Variants in RRP1B observed in about 807,000 individuals in gnomAD.
RRP1B encodes the protein ribosomal RNA processing protein 1 homolog B.
In RRP1B, 56 loss-of-function variants were observed where a neutral mutation model predicts 80.2. The ratio of observed to expected loss-of-function variants is 0.70; its 90% CI spans 0.56 to 0.87. The LOEUF is 0.87. Among genes scored for constraint, RRP1B ranks in the 40% least tolerant of loss-of-function variants. The probability of loss-of-function intolerance (pLI) is 0.00; values close to 1 mark genes in which losing one functional copy is unlikely to be tolerated. For synonymous variants in RRP1B, 351 were observed against 357.6 expected (o/e 0.98, Z 0.21); for missense variants, 807 against 939.8 (o/e 0.86, Z 1.85).
intron 9 of RRP1B, among the ~76,000 whole-genome samples, 161 bp from the exon 10 acceptor site, chr21:43,684,392 T>C (rs772433174): frequency 5.3e-5 from 8 of 152,102 alleles, no homozygotes; most frequent in Non-Finnish European, 8.8e-5. Context: ...TTTTCAAAGG[T>C]AGTGCTTGTG....
Position 43,673,866 on chromosome 21 carries a change from GCAGAACA to G in RRP1B, c.272-2_276del. 6.2e-7 allele frequency: 1 copy of G among 1,611,278 alleles called. No individual in the cohort carries two copies. The highest frequency in any genetic ancestry group is 8.5e-7 in the Non-Finnish European group (1 of 1,177,818). On this transcript the variant is annotated splice_acceptor_variant and splice_polypyrimidine_tract_variant and coding_sequence_variant and intron_variant, in exon 4 of 16. Coordinates refer to ENST00000340648, the MANE Select transcript of RRP1B (RefSeq NM_015056.3). LOFTEE classifies it high-confidence loss of function. ...AAGTATTTAGAGCCTTTTGTTCACT[GCAGAACA>G]CCTGTTCATTCAGACCTTTTGGCAA... is the stretch of plus-strand genomic sequence containing the variant.
rs2082942100 is a variant in RRP1B, at chr21:43,659,880, CG to C, written c.130+88del. The stretch of plus-strand genomic sequence containing the variant: ...AGGGCCAGGGCCCCGGCACGGAATG[CG>C]GCTTCCACGTGTTGTCGTGACACCC... On this transcript the variant is annotated intron_variant, in intron 1 of 15. Coordinates refer to ENST00000340648, the MANE Select transcript of RRP1B (RefSeq NM_015056.3). The surrounding 1 kb of genome is among the most constrained non-coding windows in gnomAD (Gnocchi z 4.2). 3 of 1,312,126 alleles carry C rather than the reference CG, an allele frequency of 2.3e-6. No individual in the cohort carries two copies. The highest frequency in any genetic ancestry group is 1.6e-5 in the African/African-American group (1 of 64,112). 81.3% of individuals were successfully genotyped at this position (1,312,126 alleles called of 1,614,324 possible).
chr21:43,674,934 T>G, intron 5 of RRP1B, 100 bp from the exon 6 acceptor site: 2 of 1,445,620 alleles, frequency 1.4e-6, no homozygotes, highest in Non-Finnish European at 1.9e-6. Flanking sequence ...CATTGATTGT[T>G]AGGCTGTGTA....
chr21:43,673,922 A>G lies in RRP1B; in HGVS notation c.324A>G (p.Gly108=), dbSNP rs935721027. ...FWQTMNREWK[G]IDRLRLDKYY... The stretch of plus-strand genomic sequence containing the variant: ...AAACCATGAATCGAGAATGGAAAGG[A>G]ATAGACAGGCTACGCCTGGACAAAT... Residue 108 remains glycine (G), a synonymous_variant, in exon 4 of 16, where the codon GGA becomes GGG. Transcript: ENST00000340648. 1 of 1,613,598 alleles carries G rather than the reference A, an allele frequency of 6.2e-7. No homozygotes were observed. The highest frequency in any genetic ancestry group is 8.5e-7 in the Non-Finnish European group (1 of 1,179,766).
At chr21:43,673,723 A>G in intron 3 of RRP1B, 147 bp from the exon 4 acceptor site, 1 of 557,486 alleles carries the variant, frequency 1.8e-6, no homozygotes, top group Admixed American at 2.8e-5. Context: ...AGTATATTTA[A>G]TTATCAACAG....
Position 43,688,170 on chromosome 21 carries a change from T to C in RRP1B, c.1796T>C (p.Met599Thr), listed in dbSNP as rs1477841300. 1 of 1,574,824 alleles carries C rather than the reference T, an allele frequency of 6.3e-7. No homozygotes were observed. The highest frequency in any genetic ancestry group is 1.9e-5 in the Admixed American group (1 of 53,456). Residue 599 changes from methionine to threonine, a missense_variant, in exon 13 of 16, where the codon ATG (methionine) becomes ACG (threonine). By Grantham distance (81) the Met-to-Thr change is moderately conservative. Coordinates refer to ENST00000340648, the MANE Select transcript of RRP1B (RefSeq NM_015056.3). ...KTASLKKRKK[M>T]RVMSNLVEHN... ...GCAAGTTTGAAAAAGAGGAAGAAAATGAGAGTGATGTCAAACTTGGTGGAG... is the reference window on the plus strand; with the variant it reads ...GCAAGTTTGAAAAAGAGGAAGAAAACGAGAGTGATGTCAAACTTGGTGGAG...
intron 12 of RRP1B, 117 bp from the exon 13 acceptor site, chr21:43,687,399 T>G: frequency 8.1e-7 from 1 of 1,241,620 alleles, no homozygotes; most frequent in Non-Finnish European, 1.1e-6. Flanking sequence ...GACAGGAACT[T>G]TCCTCGTGGT....
intron 8 of RRP1B, among the ~76,000 whole-genome samples, chr21:43,677,320 A>G (rs1363961615): frequency 3.9e-5 from 6 of 152,164 alleles, no homozygotes; most frequent in African/African-American, 1.4e-4. Flanking sequence ...TTCTCAACTC[A>G]TGGCTTCCTT....
chr21:43,664,012 G>A (rs1207767821), intron 1 of RRP1B, among the ~76,000 whole-genome samples: 1 of 152,220 alleles, frequency 6.6e-6, no homozygotes, highest in Non-Finnish European at 1.5e-5. Context: ...GCCTTTCAGA[G>A]CTTTGAAAGT....
chr21:43,664,327 CAA>C (rs11351123), intron 1 of RRP1B, among the ~76,000 whole-genome samples: 595 of 103,332 alleles, frequency 5.8e-3, no homozygotes, highest in African/African-American at 0.018. Flanking sequence ...AACTCCGTCT[CAA>C]AAAAAAAAAA....
At chr21:43,660,432 G>T (rs958856576) in intron 1 of RRP1B, among the ~76,000 whole-genome samples, 2 of 152,100 alleles carry the variant, frequency 1.3e-5, no homozygotes, top group African/African-American at 4.8e-5. Context: ...GCATGGTGGC[G>T]CATGCCTGTA....
At position 43,659,727 on chromosome 21, in the gene RRP1B, G is replaced by C. The variant is rs748621824; in HGVS notation, c.63G>C (p.Lys21Asn). ...CCCAGCGGCTGGCGTCCAGCGAGAA[G>C]GGCATCCGGGACCGAGCGGTGAAGA... is the stretch of plus-strand genomic sequence containing the variant. ...QFAQRLASSE[K>N]GIRDRAVKKL... The change falls in exon 1 of 16, where the codon AAG (lysine) becomes AAC (asparagine). Residue 21 changes from lysine to asparagine, a missense_variant. Physicochemically the swap from Lys to Asn is moderately conservative, Grantham distance 94. Coordinates refer to ENST00000340648, the MANE Select transcript of RRP1B (RefSeq NM_015056.3). This position sits in a 1 kb window ranked among gnomAD's most constrained non-coding sequence, Gnocchi z 4.2. 1.3e-6 allele frequency: 2 copies of C among 1,533,396 alleles called. No homozygotes were observed. Among genetic ancestry groups the C allele is most frequent in the Non-Finnish European group, 1.8e-6 (2 of 1,139,000 alleles). The allele number at this position is 1,533,396 out of a possible 1,614,324, so 95.0% of individuals were successfully genotyped here. A position where few individuals can be genotyped will look rare whatever the true frequency, so the allele number is the denominator to read the frequency against.
intron 8 of RRP1B, among the ~76,000 whole-genome samples, chr21:43,680,202 C>T (rs747507717): frequency 3.9e-5 from 6 of 152,096 alleles, no homozygotes; most frequent in Non-Finnish European, 5.9e-5. Flanking sequence ...ATTGCTCTGG[C>T]TAGGATTGTT....
chr21:43,681,140 C>T (rs902855698), intron 8 of RRP1B, among the ~76,000 whole-genome samples: 4 of 151,910 alleles, frequency 2.6e-5, no homozygotes, highest in Non-Finnish European at 5.9e-5. Flanking sequence ...ACTTGGGAGG[C>T]TGAGGTGGGA....
In RRP1B at chr21:43,687,673, C is replaced by T. The variant is rs1377123185; in HGVS notation, c.1299C>T (p.Ala433=). 1 of 1,601,216 alleles carries T rather than the reference C, an allele frequency of 6.2e-7. No individual in the cohort carries two copies. The highest frequency in any genetic ancestry group is 1.7e-5 in the Admixed American group (1 of 59,092). The part of the protein sequence containing the change: ...LEQNRGREPE[A]SGLKALKARV... ...AGAACCGGGGCAGGGAGCCCGAGGC[C>T]TCTGGGCTGAAAGCCCTGAAGGCAC... The change falls in exon 13 of 16, where the codon GCC becomes GCT. Residue 433 remains alanine (A), a synonymous_variant. Coordinates refer to ENST00000340648, the MANE Select transcript of RRP1B (RefSeq NM_015056.3).
In RRP1B at chr21:43,693,834, T is replaced by A. The variant is rs2083096755; in HGVS notation, c.*451T>A. On this transcript the variant is annotated 3_prime_UTR_variant, in exon 16 of 16. Transcript: ENST00000340648. This position sits in a 1 kb window ranked among gnomAD's most constrained non-coding sequence, Gnocchi z 4.1. ...GTTTCTGTTAGTCTTAACAGTCTGT[T>A]TTCTTTTAAAAGCATGTAGGGCTTC... 6.5e-6 allele frequency: 1 copy of A among 154,864 alleles called. No homozygotes were observed. The highest frequency in any genetic ancestry group is 1.4e-5 in the Non-Finnish European group (1 of 70,044). 9.6% of individuals were successfully genotyped at this position (154,864 alleles called of 1,614,324 possible). A position where few individuals can be genotyped will look rare whatever the true frequency, so the allele number is the denominator to read the frequency against.
In RRP1B at chr21:43,687,770, G is replaced by A. The variant is rs756773603; in HGVS notation, c.1396G>A (p.Val466Ile). ...EESGSEHPPA[V>I]PMHNKRKRPR... ...GAGTGGCTCCGAGCATCCTCCAGCC[G>A]TCCCCATGCACAATAAAAGGAAACG... is the stretch of plus-strand genomic sequence containing the variant. The change falls in exon 13 of 16, where the codon GTC becomes ATC. Residue 466 changes from valine to isoleucine, a missense_variant. Physicochemically the swap from Val to Ile is conservative, Grantham distance 29. Coordinates refer to ENST00000340648, the MANE Select transcript of RRP1B (RefSeq NM_015056.3). 1.8e-5 allele frequency: 29 copies of A among 1,613,146 alleles called. No homozygotes were observed. Among genetic ancestry groups the A allele is most frequent in the Middle Eastern group, 1.6e-4 (1 of 6,082 alleles).
chr21:43,667,883 C>G (rs1342950252), intron 1 of RRP1B, among the ~76,000 whole-genome samples: 1 of 152,174 alleles, frequency 6.6e-6, no homozygotes, highest in Non-Finnish European at 1.5e-5. Context: ...TTCCTGATAT[C>G]CTGGTTTTAC....
intron 1 of RRP1B, among the ~76,000 whole-genome samples, chr21:43,667,586 T>A (rs934114866): frequency 6.6e-6 from 1 of 152,164 alleles, no homozygotes; most frequent in African/African-American, 2.4e-5. Flanking sequence ...TTAGCAGCTA[T>A]TTATGATCCT....
Sources: allele counts gnomAD v4.1 joint callset (sites outside exome capture counted in the v4.1 genomes callset), GRCh38; gene constraint gnomAD v4.1.1; non-coding constraint Gnocchi (gnomAD v3.1); transcripts MANE v1.5; gene names NCBI Gene and HGNC (gene_info 2026-07-23, HGNC 2026-07-21).